The following ZHX2 variants were observed in gnomAD, a reference collection of about 807,000 sequenced individuals.
The protein encoded by ZHX2 is zinc fingers and homeoboxes protein 2.
ZHX2 carries 6 observed loss-of-function variants against 21.9 expected under a neutral mutation model. The ratio of observed to expected loss-of-function variants is 0.27; its 90% CI spans 0.15 to 0.54. ZHX2 has a LOEUF of 0.54. Among genes scored for constraint, ZHX2 ranks in the 20% least tolerant of loss-of-function variants. The probability of loss-of-function intolerance (pLI) is 0.95; values close to 1 mark genes in which losing one functional copy is unlikely to be tolerated. For missense variants in ZHX2, 908 were observed against 1,090.7 expected (o/e 0.83, Z 2.36); for synonymous variants, 434 against 437.1 (o/e 0.99, Z 0.09).
In ZHX2 at chr8:122,953,079, T is replaced by C. The variant is rs369677113; in HGVS notation, c.1569T>C (p.His523=). The C allele has an allele frequency of 1.9e-5, 31 of 1,613,884 alleles. No individual in the cohort carries two copies. The highest frequency in any genetic ancestry group is 2.5e-5 in the Non-Finnish European group (30 of 1,180,040). Residue 523 remains histidine, a synonymous_variant, in exon 3 of 4, where the codon CAT becomes CAC. Transcript: ENST00000314393. The surrounding 1 kb of genome is among the most constrained non-coding windows in gnomAD (Gnocchi z 4.6). The stretch of plus-strand genomic sequence containing the variant: ...CCTCCCGACACGGTCGCACGTATCA[T>C]GCGTACCCAGACTTTGCCCCCCAGA... ...IAASRHGRTY[H]AYPDFAPQKF...
At chr8:122,787,747 A>G (rs775555954) in intron 1 of ZHX2, among the ~76,000 whole-genome samples, 5 of 152,202 alleles carry the variant, frequency 3.3e-5, no homozygotes, top group Admixed American at 6.5e-5. Flanking sequence ...GCAGAGAGGA[A>G]GAGGGTTATG....
chr8:122,805,291 C>T (rs1465617189), intron 1 of ZHX2, among the ~76,000 whole-genome samples: 4 of 152,280 alleles, frequency 2.6e-5, no homozygotes, highest in South Asian at 2.1e-4. Flanking sequence ...AGTATTGAGA[C>T]GGGCATGGAA....
At chr8:122,898,142 A>G (rs1427191686) in intron 2 of ZHX2, among the ~76,000 whole-genome samples, 2 of 152,224 alleles carry the variant, frequency 1.3e-5, no homozygotes, top group African/African-American at 4.8e-5. Context: ...CAAAAAACCC[A>G]TCTAACAGAT....
At chr8:122,784,158 G>A (rs1817349150) in intron 1 of ZHX2, among the ~76,000 whole-genome samples, 1 of 152,204 alleles carries the variant, frequency 6.6e-6, no homozygotes, top group African/African-American at 2.4e-5. Context: ...GCTGAAAGGT[G>A]GCCCCACCCG....
chr8:122,864,648 C>G (rs1308940729), intron 2 of ZHX2, among the ~76,000 whole-genome samples: 2 of 152,120 alleles, frequency 1.3e-5, no homozygotes, highest in Non-Finnish European at 2.9e-5. Flanking sequence ...CCCCCCACTC[C>G]CCAGGGCCCC....
Position 122,940,396 on chromosome 8 carries a change from G to T in ZHX2, c.-219-10896G>T, listed in dbSNP as rs765269437. Among the ~76,000 whole-genome samples, 8 of 152,166 alleles carry T rather than the reference G, an allele frequency of 5.3e-5. No individual in the cohort carries two copies. The East Asian group carries it at 1.5e-3, about 29-fold the overall frequency. On this transcript the variant is annotated intron_variant, in intron 2 of 3. Transcript: ENST00000314393. ...GTCCAGACCCGGTCTACCTTCTCAG[G>T]CATCAGTGGCTTCCTCTGCCCCTGA...
chr8:122,824,718 A>G (rs1386514442), intron 1 of ZHX2, among the ~76,000 whole-genome samples: 2 of 152,218 alleles, frequency 1.3e-5, no homozygotes, highest in Non-Finnish European at 2.9e-5. Flanking sequence ...TGGCTGCTGT[A>G]ACAAATGACC....
chr8:122,794,140 A>G (rs1275955975), intron 1 of ZHX2, among the ~76,000 whole-genome samples: 1 of 152,138 alleles, frequency 6.6e-6, no homozygotes, highest in East Asian at 1.9e-4. Flanking sequence ...TTGCTCAATT[A>G]ATAGTTGTTA....
intron 1 of ZHX2, among the ~76,000 whole-genome samples, chr8:122,832,093 T>G (rs977347797): frequency 2.6e-5 from 4 of 152,180 alleles, no homozygotes; most frequent in African/African-American, 9.7e-5. Flanking sequence ...AAGGAAGGTT[T>G]GAACAGTGTT....
rs558334086 is a variant in ZHX2 at position 122,926,820 on chromosome 8, G to A, written c.-219-24472G>A. Among the ~76,000 whole-genome samples, 14 of 151,996 alleles carry A rather than the reference G, an allele frequency of 9.2e-5. No individual in the cohort carries two copies. In the South Asian group the frequency reaches 1.5e-3, roughly 16 times the overall value. On this transcript the variant is annotated intron_variant, in intron 2 of 3. Coordinates refer to ENST00000314393, the MANE Select transcript of ZHX2 (RefSeq NM_014943.5). ...TGTGTAGCATCTTCTCTCTGACTCCGCTTCCCCCTGCTGCTGTCACGTGGC... is the reference window on the plus strand; with the variant it reads ...TGTGTAGCATCTTCTCTCTGACTCCACTTCCCCCTGCTGCTGTCACGTGGC...
intron 1 of ZHX2, among the ~76,000 whole-genome samples, chr8:122,829,787 A>G (rs114678375): frequency 5.6e-4 from 85 of 152,360 alleles, no homozygotes; most frequent in African/African-American, 2.0e-3. Context: ...ATTCATCTTG[A>G]CAAGCTTTCT....
chr8:122,895,356 A>G (rs1820075388), intron 2 of ZHX2, among the ~76,000 whole-genome samples: 1 of 152,224 alleles, frequency 6.6e-6, no homozygotes, highest in African/African-American at 2.4e-5. Context: ...GGCTTAAGGC[A>G]AGCTGGCTTC....
intron 2 of ZHX2, among the ~76,000 whole-genome samples, chr8:122,893,502 CT>C (rs968253697): frequency 1.3e-5 from 2 of 151,844 alleles, no homozygotes; most frequent in Non-Finnish European, 2.9e-5. Flanking sequence ...TTTTTTCATA[CT>C]TTTTTTATTC....
chr8:122,828,530 A>T lies in ZHX2; in HGVS notation c.-282-34947A>T, dbSNP rs907826788. On this transcript the variant is annotated intron_variant, in intron 1 of 3. Transcript: ENST00000314393. This position sits in a 1 kb window ranked among gnomAD's most constrained non-coding sequence, Gnocchi z 5.2. Reference sequence around the variant, plus strand: ...CGAATGCATCTACCAGTGTGCAGCTAAACCCATGGCAGGAGACGCTGTCCT... The same window carrying T: ...CGAATGCATCTACCAGTGTGCAGCTTAACCCATGGCAGGAGACGCTGTCCT... Among the ~76,000 whole-genome samples, 5 of 152,252 alleles carry T rather than the reference A, an allele frequency of 3.3e-5. No individual in the cohort carries two copies. The highest frequency in any genetic ancestry group is 7.3e-5 in the Non-Finnish European group (5 of 68,038).
chr8:122,939,616 G>T (rs1812792519), intron 2 of ZHX2, among the ~76,000 whole-genome samples: 2 of 152,190 alleles, frequency 1.3e-5, no homozygotes, highest in African/African-American at 4.8e-5. Context: ...GGAAAGCAAA[G>T]AGATGCTTGG....
chr8:122,858,899 C>G (rs1012104545), intron 1 of ZHX2, among the ~76,000 whole-genome samples: 3 of 152,202 alleles, frequency 2.0e-5, no homozygotes, highest in African/African-American at 7.2e-5. Context: ...CCTTGGCCTC[C>G]CAAAGTGCTG....
At chr8:122,867,804 G>T (rs960212633) in intron 2 of ZHX2, among the ~76,000 whole-genome samples, 4 of 152,108 alleles carry the variant, frequency 2.6e-5, no homozygotes. Context: ...CTTTTCCCCC[G>T]TACCACCTCC....
chr8:122,822,715 G>A (rs1251399178), intron 1 of ZHX2, among the ~76,000 whole-genome samples: 1 of 152,206 alleles, frequency 6.6e-6, no homozygotes, highest in Non-Finnish European at 1.5e-5. Flanking sequence ...TCTCTGCATT[G>A]ACTTCTTGCC....
intron 1 of ZHX2, among the ~76,000 whole-genome samples, chr8:122,825,942 A>G (rs1818256895): frequency 6.6e-6 from 1 of 152,156 alleles, no homozygotes; most frequent in Non-Finnish European, 1.5e-5. Flanking sequence ...GGAGGAGTTA[A>G]CAGACAACTC....
Sources: gnomAD v4.1 joint callset for allele counts (sites outside exome capture counted in the v4.1 genomes callset) on GRCh38, gnomAD v4.1.1 for gene constraint, Gnocchi (gnomAD v3.1) non-coding constraint, MANE v1.5 for transcripts, NCBI Gene and HGNC (gene_info 2026-07-23, HGNC 2026-07-21) for gene names.